Variants in HIP1R observed in about 807,000 individuals in gnomAD.
HIP1R encodes the protein huntingtin interacting protein 1 related.
HIP1R carries 135 observed loss-of-function variants against 144.2 expected under a neutral mutation model. That is an observed-to-expected ratio of 0.94 (90% CI 0.81 to 1.08). HIP1R has a LOEUF of 1.08. Ranked by LOEUF, HIP1R falls within the 50% of genes least tolerant of loss-of-function variation. HIP1R has a pLI of 0.00. For synonymous variants in HIP1R, 698 were observed against 612.8 expected (o/e 1.14, Z -2.05); for missense variants, 1,462 against 1,432.8 (o/e 1.02, Z -0.33).
intron 1 of HIP1R, 40 bp downstream of exon 1, chr12:122,835,683 G>T: frequency 9.1e-7 from 1 of 1,098,996 alleles, no homozygotes; most frequent in Non-Finnish European, 1.1e-6. Context: ...GCGGCGGCGG[G>T]CGGGCGGGCA....
intron 8 of HIP1R, 107 bp from the exon 9 acceptor site, chr12:122,854,798 G>C (rs2033512307): frequency 8.1e-7 from 1 of 1,232,988 alleles, no homozygotes. Flanking sequence ...CCCGGTCTCA[G>C]GTGATCTCTG....
intron 18 of HIP1R, 125 bp from the exon 19 acceptor site, chr12:122,857,977 A>G: frequency 1.3e-6 from 1 of 769,306 alleles, no homozygotes; most frequent in Non-Finnish European, 2.0e-6. Context: ...AGAAATCTCC[A>G]CCCCCCTGAC....
rs2033565879 is a variant in HIP1R at position 122,856,105 on chromosome 12, G to A, written c.1254G>A (p.Gln418=). 1 of 1,587,138 alleles carries A rather than the reference G, an allele frequency of 6.3e-7. No homozygotes were observed. Among genetic ancestry groups the A allele is most frequent in the African/African-American group, 1.3e-5 (1 of 74,536 alleles). The part of the protein sequence containing the change: ...DNEQLRHELA[Q]LRAAQLEGER... ...AGCAGCTCCGCCACGAGCTGGCCCA[G>A]CTGAGGGCTGCCCAGCTGGAGGGCG... The change falls in exon 14 of 32, where the codon CAG becomes CAA. Residue 418 remains glutamine (Q), a synonymous_variant. Coordinates refer to ENST00000253083, the MANE Select transcript of HIP1R (RefSeq NM_003959.3).
At chr12:122,858,698 C>T (rs969350012) in intron 20 of HIP1R, 140 bp from the exon 21 acceptor site, 35 of 709,912 alleles carry the variant, frequency 4.9e-5, no homozygotes, top group Middle Eastern at 3.6e-4. Context: ...GTGTGGTTCC[C>T]ACTGCCTCCT....
At chr12:122,838,200 G>A (rs1467273440) in intron 1 of HIP1R, among the ~76,000 whole-genome samples, 5 of 152,104 alleles carry the variant, frequency 3.3e-5, no homozygotes, top group African/African-American at 7.2e-5. Context: ...GAAGAGAGGC[G>A]ATCATGTGCC....
At chr12:122,848,637 C>T (rs758671133) in intron 3 of HIP1R, 29 bp downstream of exon 3, 30 of 1,600,850 alleles carry the variant, frequency 1.9e-5, no homozygotes, top group East Asian at 4.5e-5. Flanking sequence ...CTCTGCTCCC[C>T]GGAGCTGGGG....
rs748006593 is a variant in HIP1R, at chr12:122,848,789, G to A, written c.301-7G>A. On this transcript the variant is annotated splice_region_variant and splice_polypyrimidine_tract_variant and intron_variant, in intron 3 of 31. Coordinates refer to ENST00000253083, the MANE Select transcript of HIP1R (RefSeq NM_003959.3). Reference sequence around the variant, plus strand: ...ACTCCCCCACTCCCGTATTCCCTGCGCTGCAGGTGCTGCATGACTGCCAGC... The same window carrying A: ...ACTCCCCCACTCCCGTATTCCCTGCACTGCAGGTGCTGCATGACTGCCAGC... 9 of 1,613,048 alleles carry A rather than the reference G, an allele frequency of 5.6e-6. No individual in the cohort carries two copies. The highest frequency in any genetic ancestry group is 2.2e-5 in the East Asian group (1 of 44,896).
At chr12:122,835,342 C>T (rs2032845086), upstream of HIP1R, 2 of 892,538 alleles carry the variant, frequency 2.2e-6, no homozygotes, top group Non-Finnish European at 2.6e-6. Context: ...TGGGGGCGGG[C>T]GAGGCGTTTG....
In HIP1R at chr12:122,861,122, C is replaced by T. The variant is rs370298837; in HGVS notation, c.2891-9C>T. 121 of 1,613,278 alleles carry T rather than the reference C, an allele frequency of 7.5e-5. No individual in the cohort carries two copies. The African/African-American group carries it at 1.1e-3, about 15-fold the overall frequency. ...CCCAGATGTTCACCCCCTTGTCCTC[C>T]GGCCACAGACACCATGGATTTCTCC... On this transcript the variant is annotated splice_polypyrimidine_tract_variant and intron_variant, in intron 29 of 31. Transcript: ENST00000253083.
At chr12:122,834,787 G>A (rs2032823524), upstream of HIP1R, 1 of 423,526 alleles carries the variant, frequency 2.4e-6, no homozygotes, top group Non-Finnish European at 4.2e-6. Context: ...TTGCGGAGCC[G>A]GCGGCGTCTC....
In HIP1R at chr12:122,856,114, T is replaced by C. The variant is rs760906116; in HGVS notation, c.1263T>C (p.Ala421=). ...QLRHELAQLR[A]AQLEGERSQG... is the part of the protein sequence containing the mutation. ...GCCACGAGCTGGCCCAGCTGAGGGC[T>C]GCCCAGCTGGAGGGCGAGCGGAGCC... Residue 421 remains alanine, a synonymous_variant, in exon 14 of 32, where the codon GCT becomes GCC. Coordinates refer to ENST00000253083, the MANE Select transcript of HIP1R (RefSeq NM_003959.3). 2.5e-6 allele frequency: 4 copies of C among 1,588,752 alleles called. No homozygotes were observed. The highest frequency in any genetic ancestry group is 1.8e-5 in the Admixed American group (1 of 55,086).
intron 26 of HIP1R, 67 bp from the exon 27 acceptor site, chr12:122,860,356 G>C: frequency 6.4e-7 from 1 of 1,569,524 alleles, no homozygotes; most frequent in South Asian, 1.1e-5. Context: ...GAGGGCCCTT[G>C]AGGGCCACTT....
Position 122,835,495 on chromosome 12 carries a change from C to G in HIP1R, c.-56C>G, listed in dbSNP as rs1422857206. On this transcript the variant is annotated 5_prime_UTR_variant, in exon 1 of 32. Coordinates refer to ENST00000253083, the MANE Select transcript of HIP1R (RefSeq NM_003959.3). ...GGTGCCTAGGCTGGGGCTGCCGGAC[C>G]GTGAGGCTGTGAGTCGCGCGGACGG... 5 of 1,247,652 alleles carry G rather than the reference C, an allele frequency of 4.0e-6. No individual in the cohort carries two copies. The highest frequency in any genetic ancestry group is 3.8e-5 in the Admixed American group (1 of 26,146). 77.3% of individuals were successfully genotyped at this position (1,247,652 alleles called of 1,614,324 possible).
intron 20 of HIP1R, 94 bp downstream of exon 20, chr12:122,858,529 A>G: frequency 9.5e-7 from 1 of 1,048,894 alleles, no homozygotes; most frequent in Admixed American, 2.6e-5. Context: ...TACAGACAGC[A>G]GGGACCTCTC....
intron 1 of HIP1R, among the ~76,000 whole-genome samples, chr12:122,837,998 C>T (rs1244148185): frequency 6.6e-6 from 1 of 151,748 alleles, no homozygotes; most frequent in Admixed American, 6.6e-5. Flanking sequence ...GCTTGTCTTG[C>T]ATTGACCACA....
At chr12:122,855,504 G>A (rs1433465773) in intron 11 of HIP1R, 47 bp from the exon 12 acceptor site, 1 of 1,548,928 alleles carries the variant, frequency 6.5e-7, no homozygotes, top group African/African-American at 1.4e-5. Context: ...CCACTGCCCG[G>A]CCTGGAGGGC....
rs1269331177 is a variant in HIP1R, at chr12:122,861,982, G to T, written c.*229G>T. 3.8e-6 allele frequency: 2 copies of T among 528,926 alleles called. No homozygotes were observed. Among genetic ancestry groups the T allele is most frequent in the African/African-American group, 1.9e-5 (1 of 51,570 alleles). The allele number at this position is 528,926 out of a possible 1,614,324, so 32.8% of individuals were successfully genotyped here. On this transcript the variant is annotated 3_prime_UTR_variant, in exon 32 of 32. Transcript: ENST00000253083. Reference sequence around the variant, plus strand: ...ATTTATCTGCAGAAGGAACTTTGGGGTGCAGCCAGGACCCGGTAGGCCTGA... The same window carrying T: ...ATTTATCTGCAGAAGGAACTTTGGGTTGCAGCCAGGACCCGGTAGGCCTGA...
intron 1 of HIP1R, among the ~76,000 whole-genome samples, chr12:122,841,010 A>G (rs552335767): frequency 1.3e-5 from 2 of 152,290 alleles, no homozygotes; most frequent in South Asian, 2.1e-4. Flanking sequence ...ACTGGATCCC[A>G]GCAGCTTAAA....
intron 31 of HIP1R, 52 bp from the exon 32 acceptor site, chr12:122,861,654 G>A: frequency 1.9e-6 from 3 of 1,608,666 alleles, no homozygotes; most frequent in Non-Finnish European, 2.5e-6. Context: ...GGAGAGGTGG[G>A]GCCCCAGGTG....
Sources: allele counts gnomAD v4.1 joint callset (sites outside exome capture counted in the v4.1 genomes callset), GRCh38; gene constraint gnomAD v4.1.1; transcripts MANE v1.5; gene names NCBI Gene and HGNC (gene_info 2026-07-23, HGNC 2026-07-21).